EGFR: variants seen among roughly 807,000 people sequenced by gnomAD.
EGFR encodes the protein avian erythroblastic leukemia viral (v-erb-b) oncogene homolog.
A neutral mutation model predicts 143.0 loss-of-function variants in EGFR; 58 were observed. The ratio of observed to expected loss-of-function variants is 0.41; its 90% CI spans 0.33 to 0.50. The LOEUF is 0.50. Among genes scored for constraint, EGFR ranks in the 20% least tolerant of loss-of-function variants. The pLI is 0.39. For missense variants in EGFR, 1,307 were observed against 1,579.0 expected, an observed-to-expected ratio of 0.83 and a Z score of 2.92; for synonymous variants, 613 against 594.4, an observed-to-expected ratio of 1.03 and a Z score of -0.45.
chr7:55,064,173 A>G (rs993813521), intron 1 of EGFR, among the ~76,000 whole-genome samples: 1 of 152,234 alleles, frequency 6.6e-6, no homozygotes, highest in African/African-American at 2.4e-5. Context: ...TGCAGTTTAT[A>G]TGCAAAGTTA....
intron 3 of EGFR, among the ~76,000 whole-genome samples, chr7:55,145,019 T>C (rs375056366): frequency 7.9e-5 from 12 of 152,346 alleles, no homozygotes; most frequent in African/African-American, 2.2e-4. Context: ...TGGGATTGTA[T>C]AGATGCAGAT....
At chr7:55,103,715 T>C (rs1265668117) in intron 1 of EGFR, among the ~76,000 whole-genome samples, 1 of 152,100 alleles carries the variant, frequency 6.6e-6, no homozygotes, top group Non-Finnish European at 1.5e-5. Context: ...AACATAAGAG[T>C]CTGTAGAAAT....
chr7:55,089,065 T>C (rs1790942275), intron 1 of EGFR, among the ~76,000 whole-genome samples: 1 of 152,122 alleles, frequency 6.6e-6, no homozygotes, highest in Admixed American at 6.6e-5. Flanking sequence ...TACAAATATA[T>C]GTACAAATAA....
intron 1 of EGFR, among the ~76,000 whole-genome samples, chr7:55,093,502 G>T (rs561115084): frequency 6.6e-6 from 1 of 152,136 alleles, no homozygotes; most frequent in African/African-American, 2.4e-5. Context: ...CTCGCCCCGC[G>T]TCTCAGTCCT....
Position 55,201,786 on chromosome 7 carries a change from T to C in EGFR, c.3162+4T>C. 3 of 1,614,226 alleles carry C rather than the reference T, an allele frequency of 1.9e-6. No individual in the cohort carries two copies. The highest frequency in any genetic ancestry group is 2.5e-6 in the Non-Finnish European group (3 of 1,180,032). ...GGCTTGCATTGATAGAAATGGGGTATGTATGAACACCTTATAAGCCAGAAT... is the reference window on the plus strand; with the variant it reads ...GGCTTGCATTGATAGAAATGGGGTACGTATGAACACCTTATAAGCCAGAAT... On this transcript the variant is annotated splice_donor_region_variant and intron_variant, in intron 26 of 27. Transcript: ENST00000275493.
intron 20 of EGFR, among the ~76,000 whole-genome samples, chr7:55,187,293 C>T (rs1787180677): frequency 1.1e-5 from 1 of 93,538 alleles, no homozygotes; most frequent in Non-Finnish European, 2.5e-5. Flanking sequence ...CCGGGACTCT[C>T]CATGGGTGCT....
At chr7:55,063,698 C>G (rs1421292887) in intron 1 of EGFR, among the ~76,000 whole-genome samples, 1 of 152,120 alleles carries the variant, frequency 6.6e-6, no homozygotes, top group Non-Finnish European at 1.5e-5. Context: ...ATACTGGTGT[C>G]AACACTAGGT....
At chr7:55,074,301 G>A (rs1790012260) in intron 1 of EGFR, among the ~76,000 whole-genome samples, 1 of 152,210 alleles carries the variant, frequency 6.6e-6, no homozygotes, top group African/African-American at 2.4e-5. Flanking sequence ...TGTTCACTCT[G>A]AGATCCCACT....
At chr7:55,049,330 C>T (rs1239143181) in intron 1 of EGFR, among the ~76,000 whole-genome samples, 1 of 152,114 alleles carries the variant, frequency 6.6e-6, no homozygotes, top group African/African-American at 2.4e-5. Flanking sequence ...ATCTCCTGCC[C>T]CAACTCATTT....
At chr7:55,123,330 A>C (rs1436703373) in intron 1 of EGFR, among the ~76,000 whole-genome samples, 1 of 152,232 alleles carries the variant, frequency 6.6e-6, no homozygotes, top group Non-Finnish European at 1.5e-5. Context: ...ATATCTGTGC[A>C]ATCAATTAAG....
At chr7:55,153,507 G>T (rs1203681760) in intron 6 of EGFR, among the ~76,000 whole-genome samples, 1 of 152,222 alleles carries the variant, frequency 6.6e-6, no homozygotes, top group Non-Finnish European at 1.5e-5. Context: ...TGTTTCTAAT[G>T]TGAGCCCCAG....
chr7:55,199,209 TA>T (rs1263313325), intron 23 of EGFR, among the ~76,000 whole-genome samples: 2 of 152,248 alleles, frequency 1.3e-5, no homozygotes, highest in East Asian at 1.9e-4. Context: ...TGAATGTTTT[TA>T]AATGCATGGC....
chr7:55,026,882 GAA>G (rs933525673), intron 1 of EGFR, among the ~76,000 whole-genome samples: 2 of 148,034 alleles, frequency 1.4e-5, no homozygotes, highest in African/African-American at 2.5e-5. Context: ...AAAAAAAAGG[GAA>G]AAAAAAAAGC....
chr7:55,036,140 A>G (rs1321115773), intron 1 of EGFR, among the ~76,000 whole-genome samples: 2 of 152,012 alleles, frequency 1.3e-5, no homozygotes, highest in Admixed American at 6.6e-5. Context: ...GCTAAGATAG[A>G]TAAAGACAGA....
intron 20 of EGFR, among the ~76,000 whole-genome samples, chr7:55,185,033 A>G: frequency 6.6e-6 from 1 of 152,222 alleles, no homozygotes; most frequent in East Asian, 1.9e-4. Context: ...GGCACAAACT[A>G]TCTAGGTAAG....
At chr7:55,061,938 G>A (rs1477394728) in intron 1 of EGFR, among the ~76,000 whole-genome samples, 4 of 152,138 alleles carry the variant, frequency 2.6e-5, no homozygotes, top group South Asian at 2.1e-4. Flanking sequence ...AGGACCAAGC[G>A]CTTGAGGTTC....
chr7:55,133,189 A>G (rs1793952001), intron 1 of EGFR, among the ~76,000 whole-genome samples: 1 of 152,044 alleles, frequency 6.6e-6, no homozygotes, highest in Non-Finnish European at 1.5e-5. Flanking sequence ...CCTGCACATC[A>G]CCTTGCTAGG....
intron 15 of EGFR, among the ~76,000 whole-genome samples, chr7:55,167,257 GTGGTGGTGA>G (rs1312755319): frequency 2.4e-4 from 29 of 121,040 alleles, no homozygotes; most frequent in African/African-American, 8.6e-4. Flanking sequence ...CACAATGGTG[GTGGTGGTGA>G]TGGTGGTGAT....
intron 10 of EGFR, chr7:55,157,068 C>T (rs1188135467): frequency 1.7e-5 from 18 of 1,045,802 alleles, no homozygotes; most frequent in African/African-American, 4.8e-5. Flanking sequence ...CCCTCCCGCC[C>T]GGCCCCAGCC....
Sources: allele counts gnomAD v4.1 joint callset (sites outside exome capture counted in the v4.1 genomes callset), GRCh38; gene constraint gnomAD v4.1.1; transcripts MANE v1.5; gene names NCBI Gene and HGNC (gene_info 2026-07-23, HGNC 2026-07-21).